Variants in EIF4A1 observed in about 807,000 individuals in gnomAD.
The protein encoded by EIF4A1 is eukaryotic initiation factor 4A-I.
In EIF4A1, 11 loss-of-function variants were observed where a neutral mutation model predicts 53.5. The ratio of observed to expected loss-of-function variants is 0.21; its 90% CI spans 0.13 to 0.34. The LOEUF is 0.34. Ranked by LOEUF, EIF4A1 falls within the 10% of genes least tolerant of loss-of-function variation. EIF4A1 has a pLI of 1.00. For missense variants in EIF4A1, 213 were observed against 530.8 expected (o/e 0.40, Z 5.88); for synonymous variants, 237 against 186.7 (o/e 1.27, Z -2.20).
intron 3 of EIF4A1, chr17:7,574,882 A>C (rs771793121): frequency 3.8e-6 from 4 of 1,062,770 alleles, no homozygotes; most frequent in Non-Finnish European, 4.3e-6. Flanking sequence ...TAGCCAGCTT[A>C]TATTTGCATC....
In EIF4A1 at chr17:7,575,162, G is replaced by T; in HGVS notation, c.249G>T (p.Thr83=). Residue 83 remains threonine (T), a synonymous_variant, in exon 4 of 11, where the codon ACG becomes ACT. Coordinates refer to ENST00000293831, the MANE Select transcript of EIF4A1 (RefSeq NM_001416.4). ...AAGCCCAATCTGGGACTGGGAAAAC[G>T]GCCACATTTGCCATATCGATTCTGC... is the stretch of plus-strand genomic sequence containing the variant. ...IAQAQSGTGK[T]ATFAISILQQ... 1 of 1,612,502 alleles carries T rather than the reference G, an allele frequency of 6.2e-7. No individual in the cohort carries two copies. Among genetic ancestry groups the T allele is most frequent in the South Asian group, 1.1e-5 (1 of 90,998 alleles).
At chr17:7,576,805 A>G (rs1398535146) in intron 5 of EIF4A1, 113 bp downstream of exon 5, 2 of 1,531,284 alleles carry the variant, frequency 1.3e-6, no homozygotes, top group African/African-American at 2.8e-5. Context: ...CTCTGGGGGA[A>G]GAGCTGCTCT....
Position 7,574,262 on chromosome 17 carries a change from C to G in EIF4A1, c.26C>G (p.Ser9Cys). The change falls in exon 2 of 11, where the codon TCC becomes TGC. Residue 9 changes from serine (S) to cysteine (C), a missense_variant and splice_region_variant. Around this residue, in one of 4 missense-constraint regions of EIF4A1, gnomAD observed 53 missense variants for 34.0 expected, o/e 1.56. Transcript: ENST00000293831. Reference protein sequence around the residue: MSASQDSRSRDNGPDGMEP... With the variant: MSASQDSRCRDNGPDGMEP... ...AAACTTATGCTTTAAACCAACAGAT[C>G]CAGAGACAATGGCCCCGATGGGATG... is the stretch of plus-strand genomic sequence containing the variant. The G allele has an allele frequency of 6.2e-7, 1 of 1,614,154 alleles. No homozygotes were observed. Among genetic ancestry groups the G allele is most frequent in the Non-Finnish European group, 8.5e-7 (1 of 1,180,032 alleles).
In EIF4A1 at chr17:7,577,763, G is replaced by T. The variant is rs986742576; in HGVS notation, c.906+57G>T. ...TCTGCCCGTCAGAAGTGTCCTACTT[G>T]AAGCCAGGGTTCCTGGAACCCAGGT... On this transcript the variant is annotated intron_variant, in intron 8 of 10. Transcript: ENST00000293831. This position sits in a 1 kb window ranked among gnomAD's most constrained non-coding sequence, Gnocchi z 4.7. 9.3e-6 allele frequency: 15 copies of T among 1,613,776 alleles called. No homozygotes were observed. The highest frequency in any genetic ancestry group is 1.6e-4 in the Middle Eastern group (1 of 6,084).
At chr17:7,573,508 A>G (rs2071354650) in intron 1 of EIF4A1, 1 of 149,900 alleles carries the variant, frequency 6.7e-6, no homozygotes, top group Admixed American at 6.6e-5. Flanking sequence ...CAAACTGCGG[A>G]TGGGCAGGTC....
rs778508249 is a variant in EIF4A1 at position 7,578,236 on chromosome 17, T to C, written c.1068T>C (p.Tyr356=). 36 of 1,614,090 alleles carry C rather than the reference T, an allele frequency of 2.2e-5. No homozygotes were observed. The Admixed American group carries it at 3.7e-4, about 16-fold the overall frequency. ...ACCTTCCCACCAACAGGGAAAACTATATCCACAGGTAAGCGTAGATCTGGA... is the reference window on the plus strand; with the variant it reads ...ACCTTCCCACCAACAGGGAAAACTACATCCACAGGTAAGCGTAGATCTGGA... ...NYDLPTNREN[Y]IHRIGRGGRF... Residue 356 remains tyrosine (Y), a synonymous_variant, in exon 10 of 11, where the codon TAT becomes TAC. Transcript: ENST00000293831.
Position 7,576,547 on chromosome 17 carries a change from A to T in EIF4A1, c.369A>T (p.Leu123=). ...AGATACAGAAGGTGGTCATGGCACT[A>T]GGAGACTACATGGGCGCCTCCTGTC... ...AQQIQKVVMA[L]GDYMGASCHA... is the part of the protein sequence containing the mutation. The change falls in exon 5 of 11, where the codon CTA becomes CTT. Residue 123 remains leucine, a synonymous_variant. Coordinates refer to ENST00000293831, the MANE Select transcript of EIF4A1 (RefSeq NM_001416.4). 6.2e-7 allele frequency: 1 copy of T among 1,605,186 alleles called. No individual in the cohort carries two copies. The highest frequency in any genetic ancestry group is 8.5e-7 in the Non-Finnish European group (1 of 1,175,236).
intron 4 of EIF4A1, chr17:7,575,731 A>T: frequency 7.1e-6 from 2 of 282,392 alleles, no homozygotes; most frequent in East Asian, 8.5e-5. Flanking sequence ...GGCAGTGATT[A>T]TTCTGGGTGT....
rs1270121966 is a variant in EIF4A1 at position 7,577,324 on chromosome 17, C to G, written c.625-20C>G. On this transcript the variant is annotated intron_variant, in intron 6 of 10. Transcript: ENST00000293831. This position sits in a 1 kb window ranked among gnomAD's most constrained non-coding sequence, Gnocchi z 4.7. Reference sequence around the variant, plus strand: ...TCAGGAAGGAACCAGCACTCTAAGACTGGCCTTTTTTTCCACTAGGTAGTT... The same window carrying G: ...TCAGGAAGGAACCAGCACTCTAAGAGTGGCCTTTTTTTCCACTAGGTAGTT... 5 of 1,613,588 alleles carry G rather than the reference C, an allele frequency of 3.1e-6. No individual in the cohort carries two copies. The highest frequency in any genetic ancestry group is 2.2e-5 in the East Asian group (1 of 44,892).
intron 9 of EIF4A1, 66 bp from the exon 10 acceptor site, chr17:7,578,099 A>G (rs750858536): frequency 6.2e-7 from 1 of 1,609,074 alleles, no homozygotes; most frequent in Non-Finnish European, 8.5e-7. Flanking sequence ...TGGATGCCTA[A>G]GTGTCTTCCC....
intron 1 of EIF4A1, 96 bp downstream of exon 1, chr17:7,572,960 G>A: frequency 2.5e-6 from 4 of 1,609,326 alleles, no homozygotes; most frequent in Non-Finnish European, 2.6e-6. Flanking sequence ...CCAGGGTTGC[G>A]GGAGAAACCG....
intron 1 of EIF4A1, 34 bp downstream of exon 1, chr17:7,572,898 T>A (rs776826158): frequency 6.2e-7 from 1 of 1,614,088 alleles, no homozygotes; most frequent in Non-Finnish European, 8.5e-7. Context: ...TTGTGGCTGC[T>A]TATTTTGCCG....
Position 7,576,567 on chromosome 17 carries a change from C to A in EIF4A1, c.389C>A (p.Ser130Tyr). Residue 130 changes from serine (S) to tyrosine (Y), a missense_variant, in exon 5 of 11, where the codon TCC (serine) becomes TAC (tyrosine). Physicochemically the swap from Ser to Tyr is moderately radical, Grantham distance 144. This residue lies in a region of EIF4A1 where 119 missense variants were observed against 351.0 expected (regional missense o/e 0.34). Coordinates refer to ENST00000293831, the MANE Select transcript of EIF4A1 (RefSeq NM_001416.4). Reference sequence around the variant, plus strand: ...GCACTAGGAGACTACATGGGCGCCTCCTGTCACGCCTGTATCGGGGGCACC... The same window carrying A: ...GCACTAGGAGACTACATGGGCGCCTACTGTCACGCCTGTATCGGGGGCACC... ...VMALGDYMGA[S>Y]CHACIGGTNV... 1 of 1,611,756 alleles carries A rather than the reference C, an allele frequency of 6.2e-7. No homozygotes were observed. Among genetic ancestry groups the A allele is most frequent in the Non-Finnish European group, 8.5e-7 (1 of 1,178,860 alleles).
At chr17:7,578,035 A>AGGCCT (rs1363626759) in intron 9 of EIF4A1, 119 bp downstream of exon 9, 2 of 1,568,170 alleles carry the variant, frequency 1.3e-6, no homozygotes, top group African/African-American at 2.7e-5. Context: ...GGCATGCCTA[A>AGGCCT]GGCCTTTGGG....
Position 7,572,881 on chromosome 17 carries a change from C to G in EIF4A1, c.23+17C>G. 5.0e-6 allele frequency: 8 copies of G among 1,614,180 alleles called. No individual in the cohort carries two copies. Among genetic ancestry groups the G allele is most frequent in the Non-Finnish European group, 6.8e-6 (8 of 1,179,986 alleles). On this transcript the variant is annotated intron_variant, in intron 1 of 10. Transcript: ENST00000293831. ...GGATTCCCGGTAAGAAAGGCATTTGCAAGAGATTGTGGCTGCTTATTTTGC... is the reference window on the plus strand; with the variant it reads ...GGATTCCCGGTAAGAAAGGCATTTGGAAGAGATTGTGGCTGCTTATTTTGC...
At chr17:7,578,319 T>A (rs1257836488) in intron 10 of EIF4A1, 23 bp from the exon 11 acceptor site, 1 of 1,612,980 alleles carries the variant, frequency 6.2e-7, no homozygotes, top group African/African-American at 1.3e-5. Flanking sequence ...CTGATATTCC[T>A]CATCCCCTTC....
In EIF4A1 at chr17:7,577,361, C is replaced by T. The variant is rs557992096; in HGVS notation, c.642C>T (p.Ala214=). The change falls in exon 7 of 11, where the codon GCC becomes GCT. Residue 214 remains alanine, a synonymous_variant. Coordinates refer to ENST00000293831, the MANE Select transcript of EIF4A1 (RefSeq NM_001416.4). The surrounding 1 kb of genome is among the most constrained non-coding windows in gnomAD (Gnocchi z 4.7). Reference sequence around the variant, plus strand: ...TCCACTAGGTAGTTTTGCTGTCAGCCACAATGCCTTCTGATGTGCTTGAGG... The same window carrying T: ...TCCACTAGGTAGTTTTGCTGTCAGCTACAATGCCTTCTGATGTGCTTGAGG... ...NSNTQVVLLS[A]TMPSDVLEVT... 16 of 1,614,046 alleles carry T rather than the reference C, an allele frequency of 9.9e-6. No homozygotes were observed. The South Asian group carries it at 1.5e-4, about 16-fold the overall frequency.
intron 4 of EIF4A1, 92 bp downstream of exon 4, chr17:7,575,350 TGGGA>T (rs774506188): frequency 4.1e-5 from 64 of 1,576,506 alleles, no homozygotes; most frequent in Non-Finnish European, 5.5e-5. Context: ...ATCACCACCT[TGGGA>T]GGAAGACATG....
At position 7,578,582 on chromosome 17, in the gene EIF4A1, C is replaced by CT. The variant is rs2071434913; in HGVS notation, c.*98dup. On this transcript the variant is annotated 3_prime_UTR_variant, in exon 11 of 11. Transcript: ENST00000293831. ...GGGAAGGGAGCCAAGGGATGGACAT[C>CT]TTGTCATTTTTTTTCTTTGAATAAA... 7.4e-7 allele frequency: 1 copy of CT among 1,356,160 alleles called. No homozygotes were observed. Among genetic ancestry groups the CT allele is most frequent in the Non-Finnish European group, 9.6e-7 (1 of 1,038,120 alleles). 84.0% of individuals were successfully genotyped at this position (1,356,160 alleles called of 1,614,324 possible).
Sources: gnomAD v4.1 joint callset for allele counts on GRCh38, gnomAD v4.1.1 for gene constraint, gnomAD v4.1.1 regional missense constraint, Gnocchi (gnomAD v3.1) non-coding constraint, MANE v1.5 for transcripts, NCBI Gene and HGNC (gene_info 2026-07-23, HGNC 2026-07-21) for gene names.